The following ATG7 variants were observed in gnomAD, a reference collection of about 807,000 sequenced individuals.
The protein encoded by ATG7 is ubiquitin-like modifier-activating enzyme ATG7.
ATG7 carries 70 observed loss-of-function variants against 82.4 expected under a neutral mutation model. That is an observed-to-expected ratio of 0.85 (90% confidence interval 0.70 to 1.04). The LOEUF is 1.04. ATG7 is among the 50% of genes least tolerant of loss of function. The pLI is 0.00. For missense variants in ATG7, 792 were observed against 864.3 expected (o/e 0.92, Z 1.05); for synonymous variants, 287 against 313.0 (o/e 0.92, Z 0.88).
chr3:11,285,040 C>T (rs955217728), intron 3 of ATG7, among the ~76,000 whole-genome samples: 1 of 150,018 alleles, frequency 6.7e-6, no homozygotes, highest in Non-Finnish European at 1.5e-5. Context: ...TCAGTAGAGA[C>T]GGGGTTTCAC....
chr3:11,469,988 CAAAAA>C lies in ATG7; in HGVS notation c.2079+43079_2079+43083del, dbSNP rs10628540. Reference sequence around the variant, plus strand: ...TGGGTGACGGAACGAGACTCCATCTCAAAAAAAAAAAAAAAAAAAAAGAGAGAGAG... The same window carrying C: ...TGGGTGACGGAACGAGACTCCATCTCAAAAAAAAAAAAAAAAGAGAGAGAG... On this transcript the variant is annotated intron_variant, in intron 20 of 20. Transcript: ENST00000693202. Among the ~76,000 whole-genome samples the C allele has an allele frequency of 8.8e-3, 770 of 87,534 alleles. 18 individuals carry two copies. The highest frequency in any genetic ancestry group is 0.073 in the South Asian group (206 of 2,822). 57.4% of individuals were successfully genotyped at this position (87,534 alleles called of 152,430 possible).
intron 19 of ATG7, among the ~76,000 whole-genome samples, chr3:11,424,465 C>G (rs1407072411): frequency 6.6e-6 from 1 of 151,668 alleles, no homozygotes; most frequent in African/African-American, 2.4e-5. Context: ...GGTGACAGAG[C>G]GAGACTGTCA....
chr3:11,335,888 G>A (rs1952381818), intron 11 of ATG7, among the ~76,000 whole-genome samples: 2 of 151,900 alleles, frequency 1.3e-5, no homozygotes, highest in East Asian at 3.9e-4. Flanking sequence ...TAGTAGAGTC[G>A]GGGTTTCACT....
chr3:11,468,027 T>A (rs2087015558), intron 20 of ATG7, among the ~76,000 whole-genome samples: 1 of 152,310 alleles, frequency 6.6e-6, no homozygotes, highest in Admixed American at 6.5e-5. Flanking sequence ...GAGTTTCTAT[T>A]TCCAAAAGAT....
At chr3:11,440,674 C>CATTTTTTTTTTTTTTTTTTTTT (rs769737485) in intron 20 of ATG7, among the ~76,000 whole-genome samples, 2 of 39,484 alleles carry the variant, frequency 5.1e-5, no homozygotes, top group African/African-American at 2.2e-4. Flanking sequence ...TCCCCATTTG[C>CATTTTTTTTTTTTTTTTTTTTT]TTTTTTTTTT....
intron 20 of ATG7, among the ~76,000 whole-genome samples, chr3:11,510,844 C>A (rs1035846636): frequency 3.5e-4 from 53 of 152,284 alleles, no homozygotes; most frequent in Admixed American, 8.5e-4. Context: ...AGCCTTGGTG[C>A]CCCTGGATAA....
intron 20 of ATG7, among the ~76,000 whole-genome samples, chr3:11,447,507 C>T (rs1576472497): frequency 6.6e-6 from 1 of 151,874 alleles, no homozygotes; most frequent in Middle Eastern, 3.4e-3. Context: ...CTTAATGAAA[C>T]CAGGTCATGA....
intron 19 of ATG7, among the ~76,000 whole-genome samples, chr3:11,424,952 C>G (rs2082237368): frequency 6.7e-6 from 1 of 149,362 alleles, no homozygotes; most frequent in African/African-American, 2.4e-5. Context: ...CTGCCTCATT[C>G]TTTTAATGGA....
Position 11,484,995 on chromosome 3 carries a change from A to G in ATG7, c.2079+58069A>G, listed in dbSNP as rs540932401. ...TCTTTGCTGTTGTGAATAGTGCCGC[A>G]ATAAACATACGTGTGCATGTGTCTT... On this transcript the variant is annotated intron_variant, in intron 20 of 20. Transcript: ENST00000693202. Among the ~76,000 whole-genome samples the G allele has an allele frequency of 2.0e-3, 305 of 152,296 alleles. 1 individual carries two copies. Among genetic ancestry groups the G allele is most frequent in the African/African-American group, 6.7e-3 (280 of 41,526 alleles).
intron 3 of ATG7, among the ~76,000 whole-genome samples, chr3:11,293,781 G>A (rs1382172131): frequency 2.0e-5 from 3 of 151,724 alleles, no homozygotes; most frequent in Admixed American, 1.3e-4. Context: ...AACCCAGGAG[G>A]CAGAGGTTTC....
At chr3:11,331,279 T>C (rs940333497) in intron 9 of ATG7, 61 bp from the exon 10 acceptor site, 1 of 1,296,684 alleles carries the variant, frequency 7.7e-7, no homozygotes, top group African/African-American at 1.5e-5. Context: ...GTATGAGCAA[T>C]GTCTGTATTG....
Position 11,307,078 on chromosome 3 carries a change from G to A in ATG7, c.333+18G>A, listed in dbSNP as rs1402675602. The A allele has an allele frequency of 6.3e-7, 1 of 1,595,610 alleles. No homozygotes were observed. Among genetic ancestry groups the A allele is most frequent in the Non-Finnish European group, 8.6e-7 (1 of 1,163,408 alleles). ...CAAATGAGGTTAGCTGTGAAAACGT[G>A]ATGTATGTGTCATATTTCCTGTGGT... On this transcript the variant is annotated intron_variant, in intron 6 of 20. Coordinates refer to ENST00000693202, the MANE Select transcript of ATG7 (RefSeq NM_001349232.2).
chr3:11,412,502 T>C (rs2081008277), intron 19 of ATG7, among the ~76,000 whole-genome samples: 1 of 152,168 alleles, frequency 6.6e-6, no homozygotes. Flanking sequence ...TTCTGTTTCG[T>C]TGGTCTATGA....
chr3:11,469,403 C>T (rs1393842595), intron 20 of ATG7, among the ~76,000 whole-genome samples: 5 of 151,446 alleles, frequency 3.3e-5, no homozygotes, highest in Admixed American at 6.6e-5. Flanking sequence ...GAGCTGAGAT[C>T]GTGCCACTGC....
At chr3:11,400,131 A>G (rs577566606) in intron 19 of ATG7, among the ~76,000 whole-genome samples, 1 of 152,334 alleles carries the variant, frequency 6.6e-6, no homozygotes, top group Non-Finnish European at 1.5e-5. Context: ...TGTGTCTTTC[A>G]GAGAATGCTC....
At position 11,555,071 on chromosome 3, in the gene ATG7, T is replaced by G. The variant is rs1372995167; in HGVS notation, c.*228T>G. The G allele has an allele frequency of 3.6e-6, 2 of 550,038 alleles. No individual in the cohort carries two copies. The highest frequency in any genetic ancestry group is 3.9e-5 in the African/African-American group (2 of 51,662). 34.1% of individuals were successfully genotyped at this position (550,038 alleles called of 1,614,324 possible). A position where few individuals can be genotyped will look rare whatever the true frequency, so the allele number is the denominator to read the frequency against. On this transcript the variant is annotated 3_prime_UTR_variant, in exon 21 of 21. Transcript: ENST00000693202. ...ATAATAACCTTGGCCTTGGCCTTGC[T>G]ATTGACCTGGGACTTGGTCCTCCAT...
Position 11,362,805 on chromosome 3 carries a change from C to T in ATG7, c.1684-8C>T. ...GTTCTGCACACACCAATGATTGTTT[C>T]TTTGCAGTCAACCAGAGACCGGACC... is the stretch of plus-strand genomic sequence containing the variant. On this transcript the variant is annotated splice_region_variant and splice_polypyrimidine_tract_variant and intron_variant, in intron 16 of 20. Transcript: ENST00000693202. 2 of 1,612,992 alleles carry T rather than the reference C, an allele frequency of 1.2e-6. No individual in the cohort carries two copies. Among genetic ancestry groups the T allele is most frequent in the Non-Finnish European group, 1.7e-6 (2 of 1,179,224 alleles).
In ATG7 at chr3:11,358,196, G is replaced by GCTGCC. The variant is rs559654621; in HGVS notation, c.1285-211_1285-207dup. 9.6e-4 allele frequency among the ~76,000 whole-genome samples: 146 copies of GCTGCC among 152,120 alleles called. 1 individual carries two copies. Among genetic ancestry groups the GCTGCC allele is most frequent in the Admixed American group, 2.5e-3 (38 of 15,278 alleles). On this transcript the variant is annotated intron_variant, in intron 14 of 20. Transcript: ENST00000693202. ...AACTGAGATCCGTATGTCTCTGTTT[G>GCTGCC]CTGCCCTGCCCTGCCTCAGGGCCCT...
intron 20 of ATG7, among the ~76,000 whole-genome samples, chr3:11,535,597 C>T (rs546809389): frequency 1.3e-5 from 2 of 152,254 alleles, no homozygotes; most frequent in East Asian, 3.9e-4. Context: ...TACAGGAGGA[C>T]TCAGCTCTTC....
Sources: allele counts gnomAD v4.1 joint callset (sites outside exome capture counted in the v4.1 genomes callset), GRCh38; gene constraint gnomAD v4.1.1; transcripts MANE v1.5; gene names NCBI Gene and HGNC (gene_info 2026-07-23, HGNC 2026-07-21).